Variants in ARHGEF3 observed in about 807,000 individuals in gnomAD.
ARHGEF3 encodes the protein 59.8 kDA protein.
ARHGEF3 carries 28 observed loss-of-function variants against 63.2 expected under a neutral mutation model. The ratio of observed to expected loss-of-function variants is 0.44; its 90% CI spans 0.33 to 0.61. The LOEUF (loss-of-function observed/expected upper bound fraction) is 0.61. Ranked by LOEUF, ARHGEF3 falls within the 20% of genes least tolerant of loss-of-function variation. The probability of loss-of-function intolerance (pLI) is 0.03; values close to 1 mark genes in which losing one functional copy is unlikely to be tolerated. For synonymous variants in ARHGEF3, 266 were observed against 254.2 expected (o/e 1.05, Z -0.44); for missense variants, 533 against 659.3 (o/e 0.81, Z 2.10).
chr3:56,889,898 C>T (rs1465073727), intron 3 of ARHGEF3, among the ~76,000 whole-genome samples: 1 of 152,032 alleles, frequency 6.6e-6, no homozygotes, highest in Non-Finnish European at 1.5e-5. Flanking sequence ...CTCATCTCTA[C>T]TAAAAATACA....
Position 56,854,835 on chromosome 3 carries a change from T to C in ARHGEF3, c.192+27457A>G, listed in dbSNP as rs191160365. Among the ~76,000 whole-genome samples the C allele has an allele frequency of 1.3e-4, 20 of 151,936 alleles. No individual in the cohort carries two copies. In the South Asian group the frequency reaches 2.1e-3, roughly 16 times the overall value. ...TAGGGGAGAACTTCAAAAGCAGCTA[T>C]CCCAAAGGCCTCTGTCAGGACCCTG... On this transcript the variant is annotated intron_variant, in intron 4 of 12. Coordinates refer to the ARHGEF3 transcript ENST00000338458.
intron 2 of ARHGEF3, among the ~76,000 whole-genome samples, chr3:56,998,407 CT>C (rs10594789): frequency 0.054 from 7,844 of 144,286 alleles, 232 homozygotes; most frequent in Middle Eastern, 0.16. Context: ...GTCATCCTGA[CT>C]TTTTTTTTTT....
chr3:57,024,160 G>A (rs10866006), intron 2 of ARHGEF3, among the ~76,000 whole-genome samples: 39,098 of 151,874 alleles, frequency 0.26, 5,463 homozygotes, highest in Middle Eastern at 0.33. Flanking sequence ...TCCCCAAAGT[G>A]CCCATTCCAC....
intron 1 of ARHGEF3, among the ~76,000 whole-genome samples, chr3:57,056,890 G>A (rs1007889043): frequency 5.3e-5 from 8 of 151,834 alleles, no homozygotes; most frequent in Non-Finnish European, 1.0e-4. Flanking sequence ...TCAAGCAGGC[G>A]ACAAAACACA....
chr3:56,913,472 T>G (rs901066420), intron 3 of ARHGEF3, among the ~76,000 whole-genome samples: 1 of 152,164 alleles, frequency 6.6e-6, no homozygotes, highest in East Asian at 1.9e-4. Context: ...TTCACACCTA[T>G]TAGAATGGCT....
intron 4 of ARHGEF3, among the ~76,000 whole-genome samples, chr3:56,813,839 T>A (rs1257870967): frequency 1.3e-5 from 2 of 152,110 alleles, no homozygotes; most frequent in African/African-American, 4.8e-5. Flanking sequence ...CCACATCCTT[T>A]TCCTCCCTCC....
At chr3:56,872,512 CT>C (rs71621849) in intron 4 of ARHGEF3, among the ~76,000 whole-genome samples, 13,269 of 137,260 alleles carry the variant, frequency 0.097, 645 homozygotes, top group Non-Finnish European at 0.13. Context: ...TTTTCATATA[CT>C]TTTTTTTTTT....
chr3:56,898,855 G>T (rs1016799906), intron 3 of ARHGEF3, among the ~76,000 whole-genome samples: 5 of 152,088 alleles, frequency 3.3e-5, no homozygotes, highest in Non-Finnish European at 5.9e-5. Context: ...AAGAGATCAA[G>T]ACCATCCTGG....
intron 4 of ARHGEF3, among the ~76,000 whole-genome samples, chr3:56,821,828 G>A (rs1054181546): frequency 6.6e-6 from 1 of 152,094 alleles, no homozygotes; most frequent in African/African-American, 2.4e-5. Flanking sequence ...GCCGGGCATG[G>A]TGGGGCAAGC....
At chr3:56,937,355 A>G (rs1052767924) in intron 3 of ARHGEF3, among the ~76,000 whole-genome samples, 2 of 152,240 alleles carry the variant, frequency 1.3e-5, no homozygotes, top group Non-Finnish European at 2.9e-5. Flanking sequence ...AGATGTGAAG[A>G]ATCATAGTAT....
At chr3:56,893,811 CAAAAAAAAAAAAAAAAAAAAAAAAAA>C (rs537483698) in intron 3 of ARHGEF3, among the ~76,000 whole-genome samples, 8 of 79,552 alleles carry the variant, frequency 1.0e-4, no homozygotes, top group African/African-American at 2.7e-4. Flanking sequence ...GACTCTGTCT[CAAAAAAAAAAAAAAAAAAAAAAAAAA>C]AAAAAAAAAA....
intron 4 of ARHGEF3, among the ~76,000 whole-genome samples, chr3:56,810,063 C>T (rs1353137700): frequency 1.3e-5 from 2 of 152,146 alleles, no homozygotes; most frequent in African/African-American, 4.8e-5. Context: ...CCTCAGACTA[C>T]AACTAAGGTA....
At chr3:57,000,589 A>C (rs987134583) in intron 2 of ARHGEF3, among the ~76,000 whole-genome samples, 1 of 152,180 alleles carries the variant, frequency 6.6e-6, no homozygotes, top group African/African-American at 2.4e-5. Flanking sequence ...GCTGAAGTGC[A>C]GTGGCACAAT....
intron 1 of ARHGEF3, among the ~76,000 whole-genome samples, chr3:56,795,701 A>G (rs922428555): frequency 7.4e-6 from 1 of 134,780 alleles, no homozygotes; most frequent in Non-Finnish European, 1.5e-5. Context: ...CTCAGACTGG[A>G]GTGGCGCTCG....
chr3:57,005,484 T>C (rs1030926305), intron 2 of ARHGEF3, among the ~76,000 whole-genome samples: 1 of 151,982 alleles, frequency 6.6e-6, no homozygotes, highest in African/African-American at 2.4e-5. Context: ...GAGAAAGGAG[T>C]GTTGCCAATG....
At chr3:56,786,904 A>T (rs868037871) in intron 1 of ARHGEF3, among the ~76,000 whole-genome samples, 1 of 63,028 alleles carries the variant, frequency 1.6e-5, no homozygotes, top group African/African-American at 3.9e-5. Context: ...GGGTTTTGTT[A>T]AAAAAAAAAA....
intron 4 of ARHGEF3, among the ~76,000 whole-genome samples, chr3:56,870,859 C>T (rs529953385): frequency 6.6e-6 from 1 of 151,950 alleles, no homozygotes; most frequent in South Asian, 2.1e-4. Context: ...CGGAGGATGC[C>T]CTATTCTGTA....
intron 1 of ARHGEF3, among the ~76,000 whole-genome samples, chr3:57,050,197 T>C (rs1003463465): frequency 3.3e-5 from 5 of 152,200 alleles, no homozygotes; most frequent in South Asian, 4.1e-4. Context: ...ACCTGCAGTA[T>C]TGAAAATACA....
At chr3:56,991,302 C>G (rs527856978) in intron 2 of ARHGEF3, among the ~76,000 whole-genome samples, 3 of 152,196 alleles carry the variant, frequency 2.0e-5, no homozygotes, top group South Asian at 4.1e-4. Context: ...GAAACAGTCA[C>G]TAGTTCCTCC....
Sources: allele counts gnomAD v4.1 joint callset (sites outside exome capture counted in the v4.1 genomes callset), GRCh38; gene constraint gnomAD v4.1.1; transcripts MANE v1.5; gene names NCBI Gene and HGNC (gene_info 2026-07-23, HGNC 2026-07-21).